The following MAP3K5 variants were observed in gnomAD, a reference collection of about 807,000 sequenced individuals.
The protein encoded by MAP3K5 is mitogen-activated protein kinase kinase kinase 5, also known as ASK-1.
A neutral mutation model predicts 158.7 loss-of-function variants in MAP3K5; 56 were observed. The observed-to-expected ratio is 0.35, with a 90% CI of 0.28 to 0.44. MAP3K5 has a LOEUF of 0.44. MAP3K5 is among the 20% of genes least tolerant of loss of function. The pLI is 1.00. For synonymous variants in MAP3K5, 579 were observed against 601.7 expected (o/e 0.96, Z 0.55); for missense variants, 1,294 against 1,674.8 (o/e 0.77, Z 3.97).
chr6:136,694,525 T>C (rs751931394), intron 6 of MAP3K5, among the ~76,000 whole-genome samples: 1 of 152,218 alleles, frequency 6.6e-6, no homozygotes, highest in African/African-American at 2.4e-5. Flanking sequence ...AGGATTTCTT[T>C]TGAGTTTCTG....
chr6:136,562,513 G>C lies in MAP3K5; in HGVS notation c.3864C>G (p.Ser1288=), dbSNP rs1202349743. The part of the protein sequence containing the change: ...DQEIKHLKLK[S]QPIEIPELPV... ...CTTTCTGCTATTCACCTATGGGTTG[G>C]GACTTAAGCTTCAGGTGTTTAATTT... Residue 1288 remains serine (S), a synonymous_variant, in exon 27 of 30, where the codon TCC becomes TCG. Coordinates refer to ENST00000359015, the MANE Select transcript of MAP3K5 (RefSeq NM_005923.4). 2 of 1,579,186 alleles carry C rather than the reference G, an allele frequency of 1.3e-6. No homozygotes were observed. The highest frequency in any genetic ancestry group is 8.7e-7 in the Non-Finnish European group (1 of 1,155,438).
chr6:136,736,887 A>G (rs1258738247), intron 1 of MAP3K5, among the ~76,000 whole-genome samples: 1 of 151,450 alleles, frequency 6.6e-6, no homozygotes, highest in East Asian at 1.9e-4. Flanking sequence ...TAATTGGCCC[A>G]GGCTGGTCTC....
intron 26 of MAP3K5, among the ~76,000 whole-genome samples, chr6:136,563,805 T>C (rs1830619584): frequency 6.6e-6 from 1 of 152,234 alleles, no homozygotes; most frequent in Admixed American, 6.5e-5. Flanking sequence ...TAATTTAAAA[T>C]ATATCGTTAT....
At chr6:136,590,789 C>T (rs1775351020) in intron 23 of MAP3K5, among the ~76,000 whole-genome samples, 1 of 152,172 alleles carries the variant, frequency 6.6e-6, no homozygotes, top group Admixed American at 6.5e-5. Context: ...ATCCACCCGC[C>T]TCAGCCTCCC....
chr6:136,564,739 T>C (rs1774017120), intron 26 of MAP3K5, among the ~76,000 whole-genome samples: 1 of 152,244 alleles, frequency 6.6e-6, no homozygotes, highest in African/African-American at 2.4e-5. Flanking sequence ...GACTCCGTAC[T>C]TGCATATTTG....
intron 1 of MAP3K5, among the ~76,000 whole-genome samples, chr6:136,779,900 C>G (rs997903148): frequency 3.3e-5 from 5 of 152,216 alleles, no homozygotes; most frequent in Non-Finnish European, 7.3e-5. Flanking sequence ...CTGGTTAAAG[C>G]AAGGTATTCT....
At chr6:136,580,528 T>C in intron 24 of MAP3K5, 122 bp from the exon 25 acceptor site, 1 of 569,444 alleles carries the variant, frequency 1.8e-6, no homozygotes, top group Non-Finnish European at 3.2e-6. Flanking sequence ...CTTGAATTCT[T>C]TGTAATTCTT....
rs544477037 is a variant in MAP3K5, at chr6:136,686,796, A to G, written c.1253+7344T>C. ...AGAGGGCACAAACAAATGGAAAAAC[A>G]TTCCATGCTCATGGATAGGAAGGAT... On this transcript the variant is annotated intron_variant, in intron 7 of 29. Transcript: ENST00000359015. Among the ~76,000 whole-genome samples, 15 of 152,330 alleles carry G rather than the reference A, an allele frequency of 9.8e-5. No homozygotes were observed. The South Asian group carries it at 2.9e-3, about 29-fold the overall frequency.
At chr6:136,721,528 AG>A (rs1294944740) in intron 1 of MAP3K5, among the ~76,000 whole-genome samples, 1 of 152,260 alleles carries the variant, frequency 6.6e-6, no homozygotes, top group African/African-American at 2.4e-5. Flanking sequence ...AATTTAGATT[AG>A]TCTAAAACTC....
intron 2 of MAP3K5, among the ~76,000 whole-genome samples, chr6:136,707,497 A>G (rs1781127072): frequency 6.6e-6 from 1 of 151,510 alleles, no homozygotes; most frequent in African/African-American, 2.4e-5. Context: ...ACGTTATCAC[A>G]GGGAGCTAAA....
intron 4 of MAP3K5, among the ~76,000 whole-genome samples, chr6:136,697,783 T>C (rs1583436510): frequency 6.6e-6 from 1 of 152,292 alleles, no homozygotes. Context: ...CTCACTCTGT[T>C]GCCCAGACTA....
intron 7 of MAP3K5, among the ~76,000 whole-genome samples, chr6:136,685,964 A>G (rs1780129196): frequency 6.6e-6 from 1 of 152,230 alleles, no homozygotes; most frequent in African/African-American, 2.4e-5. Context: ...AGGCCAACAG[A>G]AATAAGACTA....
At chr6:136,724,336 C>T (rs1347479962) in intron 1 of MAP3K5, among the ~76,000 whole-genome samples, 2 of 151,526 alleles carry the variant, frequency 1.3e-5, no homozygotes, top group African/African-American at 2.4e-5. Flanking sequence ...GCAACCTCCA[C>T]CACCCGGGTT....
intron 3 of MAP3K5, among the ~76,000 whole-genome samples, chr6:136,700,792 A>G (rs918802491): frequency 6.6e-6 from 1 of 152,210 alleles, no homozygotes; most frequent in Non-Finnish European, 1.5e-5. Flanking sequence ...AAGAAGTGGG[A>G]GAGACCTCTA....
intron 1 of MAP3K5, among the ~76,000 whole-genome samples, chr6:136,791,052 A>C (rs1375387506): frequency 6.6e-6 from 1 of 152,226 alleles, no homozygotes; most frequent in Non-Finnish European, 1.5e-5. Flanking sequence ...GGGTAATAAA[A>C]AACAGGCCCT....
intron 1 of MAP3K5, among the ~76,000 whole-genome samples, chr6:136,783,313 T>C (rs965898474): frequency 1.4e-5 from 2 of 141,128 alleles, no homozygotes; most frequent in African/African-American, 5.0e-5. Context: ...CAAACCAATA[T>C]ATCAGAGTCA....
At chr6:136,571,744 T>C (rs1185345315) in intron 25 of MAP3K5, among the ~76,000 whole-genome samples, 1 of 152,208 alleles carries the variant, frequency 6.6e-6, no homozygotes, top group Non-Finnish European at 1.5e-5. Context: ...GAAATCCTTC[T>C]TTTAGTTTTT....
chr6:136,601,947 T>C lies in MAP3K5; in HGVS notation c.2712A>G (p.Pro904=). The C allele has an allele frequency of 1.2e-6, 2 of 1,614,132 alleles. No homozygotes were observed. The highest frequency in any genetic ancestry group is 1.6e-4 in the Middle Eastern group (1 of 6,062). The change falls in exon 20 of 30, where the codon CCA becomes CCG. Residue 904 remains proline, a synonymous_variant. Coordinates refer to ENST00000359015, the MANE Select transcript of MAP3K5 (RefSeq NM_005923.4). Reference sequence around the variant, plus strand: ...CCTTGGCCTCTGCAGACATGGACTCTGGGATCTCAGGGTGGACTTTAAACA... The same window carrying C: ...CCTTGGCCTCTGCAGACATGGACTCCGGGATCTCAGGGTGGACTTTAAACA... ...VGMFKVHPEI[P]ESMSAEAKAF... is the part of the protein sequence containing the mutation.
At chr6:136,617,909 G>A (rs1418219814) in intron 15 of MAP3K5, among the ~76,000 whole-genome samples, 1 of 152,088 alleles carries the variant, frequency 6.6e-6, no homozygotes, top group Non-Finnish European at 1.5e-5. Flanking sequence ...CTCCAGCCTG[G>A]GCGACAGAAT....
Sources: gnomAD v4.1 joint callset for allele counts (sites outside exome capture counted in the v4.1 genomes callset) on GRCh38, gnomAD v4.1.1 for gene constraint, MANE v1.5 for transcripts, NCBI Gene and HGNC (gene_info 2026-07-23, HGNC 2026-07-21) for gene names.